The following PIGB variants were observed in gnomAD, a reference collection of about 807,000 sequenced individuals.
PIGB encodes the protein phosphatidylinositol glycan anchor biosynthesis class B, also known as GPI alpha-1,2-mannosyltransferase 3.
A neutral mutation model predicts 68.4 loss-of-function variants in PIGB; 58 were observed. That is an observed-to-expected ratio of 0.85 (90% CI 0.69 to 1.06). The LOEUF is 1.06. Ranked by LOEUF, PIGB falls within the 50% of genes least tolerant of loss-of-function variation. PIGB has a pLI of 0.00. For missense variants in PIGB, 634 were observed against 655.8 expected (o/e 0.97, Z 0.36); for synonymous variants, 219 against 220.5 (o/e 0.99, Z 0.06).
intron 7 of PIGB, 57 bp downstream of exon 7, chr15:55,339,375 TAGAACAG>T: frequency 9.1e-7 from 1 of 1,101,058 alleles, no homozygotes; most frequent in Non-Finnish European, 1.3e-6. Context: ...ATTAATACTT[TAGAACAG>T]AGGCAAATGA....
intron 6 of PIGB, among the ~76,000 whole-genome samples, chr15:55,338,116 C>A (rs138784653): frequency 6.6e-6 from 1 of 152,138 alleles, no homozygotes; most frequent in East Asian, 1.9e-4. Flanking sequence ...ATGGCAGGTA[C>A]ACAGTTGTGT....
intron 3 of PIGB, 122 bp from the exon 4 acceptor site, chr15:55,327,409 C>A: frequency 3.3e-6 from 2 of 613,650 alleles, no homozygotes; most frequent in South Asian, 4.2e-5. Context: ...AAATATATTG[C>A]CTATTTTTGT....
Position 55,339,292 on chromosome 15 carries a change from A to G in PIGB, c.820A>G (p.Met274Val). The G allele has an allele frequency of 6.4e-7, 1 of 1,553,280 alleles. No individual in the cohort carries two copies. Among genetic ancestry groups the G allele is most frequent in the Non-Finnish European group, 8.7e-7 (1 of 1,147,590 alleles). Reference protein sequence around the residue: ...VGFVTLSLSLMIDRIFFGQWT... With the variant: ...VGFVTLSLSLVIDRIFFGQWT... Reference sequence around the variant, plus strand: ...CTTTGTTACTTTGAGTTTGTCTCTGATGATTGATCGTATTTTTTTTGGCCA... The same window carrying G: ...CTTTGTTACTTTGAGTTTGTCTCTGGTGATTGATCGTATTTTTTTTGGCCA... Residue 274 changes from methionine to valine, a missense_variant, in exon 7 of 12, where the codon ATG (methionine) becomes GTG (valine). Transcript: ENST00000164305.
At chr15:55,329,536 A>G (rs2055366688) in intron 4 of PIGB, among the ~76,000 whole-genome samples, 188 bp from the exon 5 acceptor site, 1 of 152,234 alleles carries the variant, frequency 6.6e-6, no homozygotes, top group Admixed American at 6.5e-5. Flanking sequence ...TAGATCTGCT[A>G]TTATCATAAA....
chr15:55,334,519 T>C (rs931709169), intron 6 of PIGB, among the ~76,000 whole-genome samples: 8 of 152,164 alleles, frequency 5.3e-5, no homozygotes, highest in Admixed American at 5.2e-4. Context: ...ATGAGTTGTA[T>C]CCCAAGTATC....
intron 9 of PIGB, chr15:55,343,095 C>A (rs1016659437): frequency 1.3e-5 from 2 of 152,060 alleles, no homozygotes; most frequent in African/African-American, 4.8e-5. Flanking sequence ...TCCTACAGAT[C>A]TGAGATGTAT....
intron 9 of PIGB, chr15:55,350,024 G>T (rs919632302): frequency 1.3e-5 from 2 of 151,828 alleles, no homozygotes; most frequent in African/African-American, 4.8e-5. Context: ...TTTTTCCTTT[G>T]GTTTTTTGTT....
intron 9 of PIGB, among the ~76,000 whole-genome samples, chr15:55,349,330 G>A (rs1056159800): frequency 1.3e-5 from 2 of 151,038 alleles, no homozygotes; most frequent in East Asian, 2.0e-4. Context: ...CTACAGGTGC[G>A]CACTATCACG....
chr15:55,329,740 G>A lies in PIGB; in HGVS notation c.539G>A (p.Cys180Tyr). 1.2e-6 allele frequency: 2 copies of A among 1,609,312 alleles called. No individual in the cohort carries two copies. Among genetic ancestry groups the A allele is most frequent in the Non-Finnish European group, 1.7e-6 (2 of 1,178,208 alleles). The change falls in exon 5 of 12, where the codon TGC becomes TAC. Residue 180 changes from cysteine to tyrosine, a missense_variant. By Grantham distance (194) the Cys-to-Tyr change is radical. Transcript: ENST00000164305. ...TTTTCTTAGTTTTTTTGCCAGTTGT[G>A]CTCCTGGTTCACATGGTATTGCTGT... ...VARWVFFCQL[C>Y]SWFTWYCCTR...
At chr15:55,327,753 A>G in intron 4 of PIGB, 118 bp downstream of exon 4, 1 of 684,528 alleles carries the variant, frequency 1.5e-6, no homozygotes. Context: ...AACTTTATAG[A>G]GGTACTTCCA....
Position 55,355,551 on chromosome 15 carries a change from A to G in PIGB, c.*119A>G. Reference sequence around the variant, plus strand: ...AAAAAGCTGTATGAACTGCTTTACCAAATATCACTACTGAGGAAATGTATA... The same window carrying G: ...AAAAAGCTGTATGAACTGCTTTACCGAATATCACTACTGAGGAAATGTATA... On this transcript the variant is annotated 3_prime_UTR_variant, in exon 12 of 12. Coordinates refer to ENST00000164305, the MANE Select transcript of PIGB (RefSeq NM_004855.5). 2.8e-6 allele frequency: 2 copies of G among 719,744 alleles called. No homozygotes were observed. Among genetic ancestry groups the G allele is most frequent in the Non-Finnish European group, 4.6e-6 (2 of 434,620 alleles). 44.6% of individuals were successfully genotyped at this position (719,744 alleles called of 1,614,324 possible). A position where few individuals can be genotyped will look rare whatever the true frequency, so the allele number is the denominator to read the frequency against.
intron 6 of PIGB, 74 bp downstream of exon 6, chr15:55,334,081 T>C: frequency 9.4e-7 from 1 of 1,062,142 alleles, no homozygotes; most frequent in South Asian, 2.1e-5. Flanking sequence ...ATTTTACATC[T>C]TTCAGTTAAT....
chr15:55,332,470 A>G (rs1337756736), intron 5 of PIGB, among the ~76,000 whole-genome samples: 1 of 150,246 alleles, frequency 6.7e-6, no homozygotes, highest in East Asian at 2.0e-4. Context: ...TCCCAGGTTC[A>G]AGTGATTCTC....
chr15:55,327,363 G>A (rs7174876), intron 3 of PIGB, among the ~76,000 whole-genome samples, 168 bp from the exon 4 acceptor site: 42,562 of 151,546 alleles, frequency 0.28, 7,235 homozygotes, highest in East Asian at 0.55. Context: ...TTGTAGAAAA[G>A]GGGATGTAGG....
intron 5 of PIGB, 87 bp downstream of exon 5, chr15:55,329,941 C>T: frequency 2.2e-6 from 2 of 928,276 alleles, no homozygotes; most frequent in Non-Finnish European, 3.2e-6. Flanking sequence ...TCTAGTAGAC[C>T]CCCTAATTTT....
At chr15:55,322,598 A>G (rs1305635111) in intron 3 of PIGB, among the ~76,000 whole-genome samples, 3 of 152,084 alleles carry the variant, frequency 2.0e-5, no homozygotes, top group African/African-American at 7.2e-5. Context: ...CCAAATCCTG[A>G]CGTGTTTTGT....
Position 55,355,315 on chromosome 15 carries a change from T to A in PIGB, c.1548T>A (p.Asn516Lys), listed in dbSNP as rs2141232256. 6.2e-7 allele frequency: 1 copy of A among 1,610,464 alleles called. No homozygotes were observed. Among genetic ancestry groups the A allele is most frequent in the Non-Finnish European group, 8.5e-7 (1 of 1,177,854 alleles). Residue 516 changes from asparagine to lysine, a missense_variant, in exon 12 of 12, where the codon AAT (asparagine) becomes AAA (lysine). Coordinates refer to ENST00000164305, the MANE Select transcript of PIGB (RefSeq NM_004855.5). ...TAAGCGCTTTCCTAATTTCAAGCAATTATAAAAGAACTGCTGTTTTCTTCC... is the reference window on the plus strand; with the variant it reads ...TAAGCGCTTTCCTAATTTCAAGCAAATATAAAAGAACTGCTGTTTTCTTCC... Reference protein sequence around the residue: ...EEISAFLISSNYKRTAVFFHT... With the variant: ...EEISAFLISSKYKRTAVFFHT...
intron 8 of PIGB, among the ~76,000 whole-genome samples, chr15:55,341,366 ATCAG>A (rs1246455394): frequency 4.6e-5 from 7 of 152,004 alleles, no homozygotes; most frequent in Non-Finnish European, 1.0e-4. Context: ...GTCTCAGTCA[ATCAG>A]TCAATCAATA....
rs768599641 is a variant in PIGB, at chr15:55,350,788, T to G, written c.1213T>G (p.Leu405Val). ...TTTGTTCCTCGCCCTTTATACTGGT[T>G]TAGTTCATCAACGAGGTACTCTTGA... ...SNLFLALYTG[L>V]VHQRGTLDVM... The change falls in exon 10 of 12, where the codon TTA becomes GTA. Residue 405 changes from leucine (L) to valine (V), a missense_variant. Transcript: ENST00000164305. The G allele has an allele frequency of 6.2e-7, 1 of 1,612,978 alleles. No individual in the cohort carries two copies. The highest frequency in any genetic ancestry group is 2.2e-5 in the East Asian group (1 of 44,800).
Sources: gnomAD v4.1 joint callset for allele counts (sites outside exome capture counted in the v4.1 genomes callset) on GRCh38, gnomAD v4.1.1 for gene constraint, MANE v1.5 for transcripts, NCBI Gene and HGNC (gene_info 2026-07-23, HGNC 2026-07-21) for gene names.